DGKD: variants seen among roughly 807,000 people sequenced by gnomAD.
The protein encoded by DGKD is diacylglycerol kinase delta.
DGKD carries 68 observed loss-of-function variants against 154.4 expected under a neutral mutation model. The observed-to-expected ratio is 0.44, with a 90% CI of 0.36 to 0.54. DGKD has a LOEUF of 0.54. Among genes scored for constraint, DGKD ranks in the 20% least tolerant of loss-of-function variants. The pLI, the probability that DGKD is intolerant of heterozygous loss-of-function variation, is 0.00. For missense variants in DGKD, 1,343 were observed against 1,593.6 expected (o/e 0.84, Z 2.68); for synonymous variants, 693 against 638.0 (o/e 1.09, Z -1.30).
chr2:233,467,458 G>A (rs559123400), intron 28 of DGKD, among the ~76,000 whole-genome samples: 4 of 152,262 alleles, frequency 2.6e-5, no homozygotes, highest in South Asian at 4.2e-4. Context: ...TGGGGGATTC[G>A]AGGTGGGGAG....
At chr2:233,407,406 A>G (rs926290773) in intron 3 of DGKD, among the ~76,000 whole-genome samples, 9 of 152,244 alleles carry the variant, frequency 5.9e-5, no homozygotes, top group African/African-American at 2.2e-4. Context: ...AATTTAACAT[A>G]TAAGATGCCT....
At chr2:233,373,151 C>G (rs1308436110) in intron 1 of DGKD, among the ~76,000 whole-genome samples, 1 of 152,216 alleles carries the variant, frequency 6.6e-6, no homozygotes, top group Non-Finnish European at 1.5e-5. Context: ...GCATGGCTCT[C>G]AATGCCTGAA....
chr2:233,443,104 A>G (rs1452567841), intron 10 of DGKD, among the ~76,000 whole-genome samples: 22 of 152,202 alleles, frequency 1.4e-4, no homozygotes. Context: ...AAATGTGCTG[A>G]CAAACTGCCT....
chr2:233,450,118 G>C lies in DGKD; in HGVS notation c.2025G>C (p.Arg675Ser), dbSNP rs1459893253. ...HSESFGVPKG[R>S]SQRKVSKSPC... The stretch of plus-strand genomic sequence containing the variant: ...AGAGCTTCGGGGTCCCCAAGGGGAG[G>C]AGCCAGCGCAAAGGTACTTGTGCCT... The change falls in exon 16 of 30, where the codon AGG (arginine) becomes AGC (serine). Residue 675 changes from arginine (R) to serine (S), a missense_variant. Coordinates refer to ENST00000264057, the MANE Select transcript of DGKD (RefSeq NM_152879.3). 1 of 1,611,580 alleles carries C rather than the reference G, an allele frequency of 6.2e-7. No homozygotes were observed. Among genetic ancestry groups the C allele is most frequent in the South Asian group, 1.1e-5 (1 of 90,790 alleles).
intron 3 of DGKD, 48 bp from the exon 4 acceptor site, chr2:233,434,332 G>T: frequency 9.6e-6 from 14 of 1,461,382 alleles, no homozygotes; most frequent in Non-Finnish European, 1.1e-5. Flanking sequence ...ATAGCTATCA[G>T]CACTTGCCTT....
chr2:233,464,294 C>T lies in DGKD; in HGVS notation c.3306+11C>T, dbSNP rs2063760760. 1 of 1,612,978 alleles carries T rather than the reference C, an allele frequency of 6.2e-7. No homozygotes were observed. The highest frequency in any genetic ancestry group is 8.5e-7 in the Non-Finnish European group (1 of 1,179,578). ...CCCGGCGACGAAGAGGTATGTGGCT[C>T]ATAGGGCTGTGCCTGGGTCTCCCGG... On this transcript the variant is annotated intron_variant, in intron 27 of 29. Transcript: ENST00000264057.
At chr2:233,464,097 C>A (rs371389790) in intron 26 of DGKD, 67 bp from the exon 27 acceptor site, 68 of 1,602,078 alleles carry the variant, frequency 4.2e-5, no homozygotes, top group East Asian at 2.9e-4. Context: ...ACCTCACCCC[C>A]CTGGGCCTCG....
At chr2:233,460,050 C>G in intron 23 of DGKD, 144 bp from the exon 24 acceptor site, 2 of 1,453,908 alleles carry the variant, frequency 1.4e-6, no homozygotes, top group South Asian at 3.0e-5. Flanking sequence ...TTTCTAGGAC[C>G]ATCTCCTTCC....
intron 1 of DGKD, among the ~76,000 whole-genome samples, chr2:233,378,992 CT>C (rs1292112508): frequency 2.0e-5 from 3 of 152,242 alleles, no homozygotes; most frequent in African/African-American, 7.2e-5. Context: ...GATTGAGCCA[CT>C]GTAGCCCAGC....
intron 10 of DGKD, among the ~76,000 whole-genome samples, chr2:233,443,176 C>G (rs1454093648): frequency 6.6e-6 from 1 of 152,236 alleles, no homozygotes; most frequent in Non-Finnish European, 1.5e-5. Context: ...CCCCGTGCAC[C>G]ATCCAAGCTG....
chr2:233,364,322 T>C (rs1490839488), intron 1 of DGKD, among the ~76,000 whole-genome samples: 2 of 152,234 alleles, frequency 1.3e-5, no homozygotes, highest in African/African-American at 2.4e-5. Context: ...AAGTGTTTTT[T>C]GTTTGTTTTG....
intron 12 of DGKD, chr2:233,447,533 T>G: frequency 4.1e-6 from 4 of 985,362 alleles, no homozygotes; most frequent in Non-Finnish European, 4.8e-6. Flanking sequence ...AAAATTTTTT[T>G]TTTGAGAGGA....
intron 1 of DGKD, among the ~76,000 whole-genome samples, chr2:233,387,843 G>C (rs2125436841): frequency 6.6e-6 from 1 of 152,274 alleles, no homozygotes; most frequent in South Asian, 2.1e-4. Context: ...AAATGGCAGG[G>C]GGCCAGAGAA....
Position 233,436,446 on chromosome 2 carries a change from G to T in DGKD, c.819+5G>T, listed in dbSNP as rs1323883424. 6.2e-7 allele frequency: 1 copy of T among 1,611,150 alleles called. No homozygotes were observed. Among genetic ancestry groups the T allele is most frequent in the Non-Finnish European group, 8.5e-7 (1 of 1,179,274 alleles). The stretch of plus-strand genomic sequence containing the variant: ...TGCCTCTGGTGCAAGGCCATGGTGA[G>T]TGTGGGCCCTGCGCCCGGGCTGGAG... On this transcript the variant is annotated splice_donor_5th_base_variant and intron_variant, in intron 7 of 29. Transcript: ENST00000264057.
chr2:233,443,239 TA>T (rs1260447421), intron 10 of DGKD, among the ~76,000 whole-genome samples: 2 of 152,268 alleles, frequency 1.3e-5, no homozygotes, highest in Non-Finnish European at 2.9e-5. Flanking sequence ...GTCTGACCTT[TA>T]CTTCTTTAAT....
chr2:233,373,398 G>C (rs1702419534), intron 1 of DGKD, among the ~76,000 whole-genome samples: 1 of 152,152 alleles, frequency 6.6e-6, no homozygotes, highest in South Asian at 2.1e-4. Context: ...TTTCTAAAAT[G>C]AGCATGTATT....
At chr2:233,424,986 C>T (rs941870804) in intron 3 of DGKD, among the ~76,000 whole-genome samples, 6 of 152,098 alleles carry the variant, frequency 3.9e-5, no homozygotes, top group Admixed American at 2.0e-4. Flanking sequence ...GGTTTAATAA[C>T]CCCCTGGGCT....
chr2:233,379,910 G>A (rs1367024866), intron 1 of DGKD: 1 of 152,220 alleles, frequency 6.6e-6, no homozygotes, highest in Non-Finnish European at 1.5e-5. Context: ...GTCTGTAACT[G>A]ATTGTGAACC....
At chr2:233,448,408 T>A (rs1273256914) in intron 14 of DGKD, 33 bp downstream of exon 14, 2 of 1,596,980 alleles carry the variant, frequency 1.3e-6, no homozygotes, top group Admixed American at 3.4e-5. Flanking sequence ...GGAGGGGCAT[T>A]GAGGCAGCGA....
Sources: gnomAD v4.1 joint callset for allele counts (sites outside exome capture counted in the v4.1 genomes callset) on GRCh38, gnomAD v4.1.1 for gene constraint, MANE v1.5 for transcripts, NCBI Gene and HGNC (gene_info 2026-07-23, HGNC 2026-07-21) for gene names.